The following CDH22 variants were observed in gnomAD, a reference collection of about 807,000 sequenced individuals.
The protein encoded by CDH22 is cadherin 22, also known as cadherin-22.
A neutral mutation model predicts 58.4 loss-of-function variants in CDH22; 30 were observed. The observed-to-expected ratio is 0.51, with a 90% CI of 0.38 to 0.70. CDH22 has a LOEUF of 0.70. CDH22 is among the 30% of genes least tolerant of loss of function. The probability of loss-of-function intolerance (pLI) is 0.00; values close to 1 mark genes in which losing one functional copy is unlikely to be tolerated. For synonymous variants in CDH22, 513 were observed against 558.2 expected, an observed-to-expected ratio of 0.92 and a Z score of 1.14; for missense variants, 1,014 against 1,233.9, an observed-to-expected ratio of 0.82 and a Z score of 2.67.
chr20:46,284,948 C>T lies in CDH22; in HGVS notation c.-400+23307G>A, dbSNP rs80074735. Among the ~76,000 whole-genome samples, 1,136 of 152,298 alleles carry T rather than the reference C, an allele frequency of 7.5e-3. 8 individuals are homozygous for T. The highest frequency in any genetic ancestry group is 0.026 in the African/African-American group (1,076 of 41,556). ...CACAGATCATTTTTCCCTCACTCCT[C>T]ATCAGCACTCATTCCTGCCTCTCCA... On this transcript the variant is annotated intron_variant, in intron 1 of 11. Coordinates refer to ENST00000537909, the MANE Select transcript of CDH22 (RefSeq NM_021248.3).
At chr20:46,260,750 A>C (rs990588971) in intron 1 of CDH22, among the ~76,000 whole-genome samples, 2 of 152,234 alleles carry the variant, frequency 1.3e-5, no homozygotes, top group Non-Finnish European at 2.9e-5. Flanking sequence ...ATCACTGCCA[A>C]GGCTGTATGA....
chr20:46,213,997 G>A (rs974767346), intron 5 of CDH22, among the ~76,000 whole-genome samples: 5 of 152,106 alleles, frequency 3.3e-5, no homozygotes, highest in South Asian at 2.1e-4. Flanking sequence ...AGGGTGTTGC[G>A]CAGTTTTAAA....
At chr20:46,266,331 G>A (rs2425815) in intron 1 of CDH22, among the ~76,000 whole-genome samples, 146,065 of 152,228 alleles carry the variant, frequency 0.96, 70,126 homozygotes, top group East Asian at 1. Context: ...AGAGGACTGG[G>A]ACCTGGGTCA....
In CDH22 at chr20:46,251,545, G is replaced by T. The variant is rs2086376348; in HGVS notation, c.-251C>A. Reference sequence around the variant, plus strand: ...GACAGCCCCCGGGGTGCCCGCCCGCGCCCCCGTCGCCGCGTCGCGTGCGGA... The same window carrying T: ...GACAGCCCCCGGGGTGCCCGCCCGCTCCCCCGTCGCCGCGTCGCGTGCGGA... On this transcript the variant is annotated 5_prime_UTR_variant, in exon 2 of 12. Transcript: ENST00000537909. The surrounding 1 kb of genome is among the most constrained non-coding windows in gnomAD (Gnocchi z 6.7). 3 of 304,094 alleles carry T rather than the reference G, an allele frequency of 9.9e-6. No individual in the cohort carries two copies. Among genetic ancestry groups the T allele is most frequent in the Non-Finnish European group, 1.8e-5 (3 of 168,288 alleles). 18.8% of individuals were successfully genotyped at this position (304,094 alleles called of 1,614,324 possible).
chr20:46,277,644 G>T (rs556903954), intron 1 of CDH22, among the ~76,000 whole-genome samples: 4 of 152,082 alleles, frequency 2.6e-5, no homozygotes, highest in African/African-American at 7.2e-5. Flanking sequence ...AAATCAGAGG[G>T]GGGTGAGTTT....
In CDH22 at chr20:46,174,308, A is replaced by C. The variant is rs1489487878; in HGVS notation, c.*198T>G. ...TTAATGCCGTTGGTCAGAATCCCGCACCTCTGGGCTCCAAAGCTGCACCCC... is the reference window on the plus strand; with the variant it reads ...TTAATGCCGTTGGTCAGAATCCCGCCCCTCTGGGCTCCAAAGCTGCACCCC... On this transcript the variant is annotated 3_prime_UTR_variant, in exon 12 of 12. Coordinates refer to ENST00000537909, the MANE Select transcript of CDH22 (RefSeq NM_021248.3). The surrounding 1 kb of genome is among the most constrained non-coding windows in gnomAD (Gnocchi z 4.4). The C allele has an allele frequency of 2.0e-6, 1 of 512,352 alleles. No individual in the cohort carries two copies. Among genetic ancestry groups the C allele is most frequent in the East Asian group, 3.5e-5 (1 of 28,530 alleles). The allele number at this position is 512,352 out of a possible 1,614,324, so 31.7% of individuals were successfully genotyped here.
intron 8 of CDH22, among the ~76,000 whole-genome samples, chr20:46,198,251 C>A (rs2085923287): frequency 6.6e-6 from 1 of 151,626 alleles, no homozygotes; most frequent in Non-Finnish European, 1.5e-5. Flanking sequence ...CTCTCTTTCT[C>A]TCCCAGCTCA....
At chr20:46,208,804 G>T (rs919911773) in intron 7 of CDH22, among the ~76,000 whole-genome samples, 18 of 152,096 alleles carry the variant, frequency 1.2e-4, no homozygotes, top group African/African-American at 4.1e-4. Context: ...TGTTGGTCAG[G>T]CTGGTCTCAA....
At chr20:46,183,315 C>T (rs117458401) in intron 10 of CDH22, among the ~76,000 whole-genome samples, 14 of 152,300 alleles carry the variant, frequency 9.2e-5, no homozygotes, top group Non-Finnish European at 1.3e-4. Flanking sequence ...GAGTTAATGC[C>T]TGGTGTAGTA....
chr20:46,249,614 C>T (rs1207476852), intron 2 of CDH22, among the ~76,000 whole-genome samples: 1 of 152,152 alleles, frequency 6.6e-6, no homozygotes, highest in Non-Finnish European at 1.5e-5. Flanking sequence ...TCAGAACTGC[C>T]TCCCGGTTCC....
chr20:46,283,846 C>G (rs543313109), intron 1 of CDH22, among the ~76,000 whole-genome samples: 2 of 152,038 alleles, frequency 1.3e-5, no homozygotes, highest in Admixed American at 6.6e-5. Flanking sequence ...ACACACCACA[C>G]GCATACACAC....
Position 46,178,038 on chromosome 20 carries a change from A to G in CDH22, c.1823T>C (p.Ile608Thr). Residue 608 changes from isoleucine (I) to threonine (T), a missense_variant, in exon 11 of 12, where the codon ATC becomes ACC. By Grantham distance (89) the Ile-to-Thr change is moderately conservative (BLOSUM62 -1). Transcript: ENST00000537909. Reference sequence around the variant, plus strand: ...AAAGGCCGTGGTGTTGCAGGACTGGATGGTGCCGGAGCTGTCGCAGCCACA... The same window carrying G: ...AAAGGCCGTGGTGTTGCAGGACTGGGTGGTGCCGGAGCTGTCGCAGCCACA... ...RICGCDSSGT[I>T]QSCNTTAFVM... The G allele has an allele frequency of 6.2e-7, 1 of 1,613,900 alleles. No homozygotes were observed. Among genetic ancestry groups the G allele is most frequent in the Non-Finnish European group, 8.5e-7 (1 of 1,179,966 alleles).
chr20:46,248,331 C>T (rs2086345513), intron 2 of CDH22, among the ~76,000 whole-genome samples: 2 of 152,326 alleles, frequency 1.3e-5, no homozygotes, highest in South Asian at 2.1e-4. Flanking sequence ...TGCAGAGCCC[C>T]AGCTGCTGGG....
At position 46,175,098 on chromosome 20, in the gene CDH22, G is replaced by A. The variant is rs777365013; in HGVS notation, c.1916-21C>T. ...CAGCACTGCGAGGGGGACAGAGGGG[G>A]CAACTGAGGGCCAAGCCCCTCCCAG... On this transcript the variant is annotated intron_variant, in intron 11 of 11. Transcript: ENST00000537909. The A allele has an allele frequency of 1.9e-6, 3 of 1,564,540 alleles. No individual in the cohort carries two copies. The African/African-American group carries it at 4.2e-5, about 22-fold the overall frequency.
chr20:46,299,459 C>G (rs987734455), intron 1 of CDH22, among the ~76,000 whole-genome samples: 2 of 152,238 alleles, frequency 1.3e-5, no homozygotes, highest in African/African-American at 2.4e-5. Context: ...GGCTAGGACA[C>G]AGGAGAGACA....
rs144671341 is a variant in CDH22, at chr20:46,227,595, C to T, written c.583G>A (p.Ala195Thr). 2 of 1,612,992 alleles carry T rather than the reference C, an allele frequency of 1.2e-6. No individual in the cohort carries two copies. Among genetic ancestry groups the T allele is most frequent in the Non-Finnish European group, 1.7e-6 (2 of 1,179,786 alleles). ...TSVMQVMASDADDPTYGSSAR... is the reference protein window; with the variant it reads ...TSVMQVMASDTDDPTYGSSAR... ...CTGCTGCCGTACGTGGGGTCATCCG[C>T]ATCCGAGGCCATCACCTGCATCACC... Residue 195 changes from alanine to threonine, a missense_variant, in exon 4 of 12, where the codon GCG becomes ACG. Coordinates refer to ENST00000537909, the MANE Select transcript of CDH22 (RefSeq NM_021248.3).
intron 1 of CDH22, among the ~76,000 whole-genome samples, chr20:46,283,132 A>C (rs548404531): frequency 1.3e-5 from 2 of 152,358 alleles, no homozygotes; most frequent in South Asian, 4.1e-4. Context: ...AGTTATGGCA[A>C]GAAGCATAAC....
At chr20:46,211,145 C>T (rs2086040302) in intron 6 of CDH22, among the ~76,000 whole-genome samples, 1 of 152,202 alleles carries the variant, frequency 6.6e-6, no homozygotes, top group African/African-American at 2.4e-5. Context: ...CATGCTGAGC[C>T]TGTGCTTCTT....
intron 2 of CDH22, among the ~76,000 whole-genome samples, chr20:46,250,834 C>T (rs1234195066): frequency 6.6e-6 from 1 of 152,064 alleles, no homozygotes; most frequent in East Asian, 1.9e-4. Flanking sequence ...TTCTAAGATG[C>T]AAAAGGGAGG....
Sources: gnomAD v4.1 joint callset for allele counts (sites outside exome capture counted in the v4.1 genomes callset) on GRCh38, gnomAD v4.1.1 for gene constraint, Gnocchi (gnomAD v3.1) non-coding constraint, MANE v1.5 for transcripts, NCBI Gene and HGNC (gene_info 2026-07-23, HGNC 2026-07-21) for gene names.